RP1: variants seen among roughly 807,000 people sequenced by gnomAD.
The protein encoded by RP1 is RP1 axonemal microtubule associated.
RP1 carries 16 observed loss-of-function variants against 14.8 expected under a neutral mutation model. That is an observed-to-expected ratio of 1.08 (90% CI 0.73 to 1.65). RP1 has a LOEUF of 1.65. RP1 is among the 40% of genes most tolerant of loss of function. The probability of loss-of-function intolerance (pLI) is 0.00; values close to 1 mark genes in which losing one functional copy is unlikely to be tolerated. For missense variants in RP1, 2,631 were observed against 2,535.0 expected (o/e 1.04, Z -0.81); for synonymous variants, 876 against 883.6 (o/e 0.99, Z 0.15).
chr8:54,565,871 G>A (rs1804393669), intron 1 of RP1, among the ~76,000 whole-genome samples: 1 of 152,170 alleles, frequency 6.6e-6, no homozygotes, highest in Non-Finnish European at 1.5e-5. Context: ...AGATGAAGGT[G>A]TCAGCAGGGT....
chr8:54,837,403 T>C (rs1416118660), intron 24 of RP1: 4 of 820,808 alleles, frequency 4.9e-6, no homozygotes, highest in Middle Eastern at 4.1e-4. Flanking sequence ...AATTTGGAAA[T>C]TGGAGATGTA....
exon 23 of RP1, chr8:54,769,919 T>C: frequency 1.5e-6 from 1 of 655,838 alleles, no homozygotes. Flanking sequence ...TTATCTTTTA[T>C]TATTGGATTT....
intron 12 of RP1, among the ~76,000 whole-genome samples, chr8:54,694,280 C>CT (rs1563349877): frequency 6.6e-6 from 1 of 152,142 alleles, no homozygotes; most frequent in African/African-American, 2.4e-5. Context: ...CTAAAATTCT[C>CT]TTTTTTTGTT....
At chr8:54,851,881 T>C (rs1812067820) in intron 25 of RP1, among the ~76,000 whole-genome samples, 1 of 152,214 alleles carries the variant, frequency 6.6e-6, no homozygotes, top group Non-Finnish European at 1.5e-5. Context: ...TTGCACAAAG[T>C]ATGATTTATA....
intron 24 of RP1, among the ~76,000 whole-genome samples, chr8:54,793,914 G>T (rs1291947931): frequency 1.3e-5 from 2 of 151,706 alleles, no homozygotes; most frequent in African/African-American, 4.8e-5. Flanking sequence ...CTTACATATA[G>T]AAAATTCTAA....
intron 6 of RP1, among the ~76,000 whole-genome samples, chr8:54,659,310 C>G (rs138998147): frequency 6.6e-6 from 1 of 152,238 alleles, no homozygotes; most frequent in East Asian, 1.9e-4. Context: ...ATTTGATATC[C>G]TGAAGGTTTT....
chr8:54,680,867 A>C (rs1476853206), intron 12 of RP1, among the ~76,000 whole-genome samples: 1 of 151,900 alleles, frequency 6.6e-6, no homozygotes, highest in Non-Finnish European at 1.5e-5. Context: ...CTGAGGCAGG[A>C]GAATGGTGTG....
intron 19 of RP1, among the ~76,000 whole-genome samples, chr8:54,744,012 A>G (rs535320316): frequency 1.3e-5 from 2 of 152,214 alleles, no homozygotes; most frequent in Non-Finnish European, 2.9e-5. Context: ...GCAAATAAAT[A>G]TAGTAAAGGT....
intron 22 of RP1, among the ~76,000 whole-genome samples, chr8:54,769,408 G>A (rs1809845722): frequency 6.6e-6 from 1 of 152,128 alleles, no homozygotes; most frequent in Non-Finnish European, 1.5e-5. Flanking sequence ...TATCCAGCTT[G>A]GTACTGGGAG....
chr8:54,848,345 A>G (rs186947091), intron 25 of RP1, among the ~76,000 whole-genome samples: 1 of 152,300 alleles, frequency 6.6e-6, no homozygotes, highest in East Asian at 1.9e-4. Context: ...CTGGGGCCTG[A>G]AGACAAGGTC....
At chr8:54,825,873 C>T (rs1035348921) in intron 24 of RP1, among the ~76,000 whole-genome samples, 26 of 151,404 alleles carry the variant, frequency 1.7e-4, no homozygotes, top group African/African-American at 6.3e-4. Context: ...AGCTTGAGAC[C>T]AGCCTGGGCA....
At chr8:54,846,994 G>C (rs1035167418) in intron 25 of RP1, among the ~76,000 whole-genome samples, 4 of 152,176 alleles carry the variant, frequency 2.6e-5, no homozygotes, top group African/African-American at 9.7e-5. Flanking sequence ...AGGGATGAGA[G>C]CTGATGAGGG....
intron 24 of RP1, among the ~76,000 whole-genome samples, chr8:54,785,034 T>TA (rs942683849): frequency 6.6e-6 from 1 of 151,980 alleles, no homozygotes; most frequent in Non-Finnish European, 1.5e-5. Context: ...CAAATCAGGG[T>TA]AAAAAAACAT....
intron 1 of RP1, among the ~76,000 whole-genome samples, chr8:54,562,917 C>G (rs1213820152): frequency 1.3e-5 from 2 of 152,182 alleles, no homozygotes; most frequent in African/African-American, 4.8e-5. Flanking sequence ...TTTCTACAGG[C>G]TTTAGCCTGA....
intron 8 of RP1, among the ~76,000 whole-genome samples, chr8:54,675,869 A>T (rs892394366): frequency 4.6e-5 from 7 of 152,196 alleles, no homozygotes; most frequent in African/African-American, 1.4e-4. Context: ...AAAATACCTT[A>T]GACTGGGCAA....
At chr8:54,829,582 T>A (rs957062361) in intron 24 of RP1, among the ~76,000 whole-genome samples, 2 of 152,188 alleles carry the variant, frequency 1.3e-5, no homozygotes, top group African/African-American at 2.4e-5. Context: ...TAATCAGGGT[T>A]CTAGATGAAT....
At chr8:54,679,861 C>T (rs534883708) in exon 12 of RP1, 2 of 1,536,038 alleles carry the variant, frequency 1.3e-6, no homozygotes, top group African/African-American at 2.7e-5. Flanking sequence ...CTATAACAAG[C>T]TGACTGGAGG....
intron 23 of RP1, chr8:54,783,411 TA>T: frequency 2.3e-6 from 1 of 443,010 alleles, no homozygotes; most frequent in Non-Finnish European, 3.7e-6. Context: ...AAATCCATGA[TA>T]AGCAATTATT....
Position 54,630,544 on chromosome 8 carries a change from A to G in RP1, c.*191A>G. ...TCTGTTTTTTGTTTTTCCAACAATT[A>G]CAGACTCAGGTTCTCTTATTTTGGA... On this transcript the variant is annotated 3_prime_UTR_variant, in exon 4 of 4. Coordinates refer to ENST00000220676, the MANE Select transcript of RP1 (RefSeq NM_006269.2). 2.2e-6 allele frequency: 3 copies of G among 1,388,158 alleles called. No individual in the cohort carries two copies. Among genetic ancestry groups the G allele is most frequent in the South Asian group, 3.3e-5 (2 of 61,362 alleles). 86.0% of individuals were successfully genotyped at this position (1,388,158 alleles called of 1,614,324 possible).
Sources: gnomAD v4.1 joint callset for allele counts (sites outside exome capture counted in the v4.1 genomes callset) on GRCh38, gnomAD v4.1.1 for gene constraint, MANE v1.5 for transcripts, NCBI Gene and HGNC (gene_info 2026-07-23, HGNC 2026-07-21) for gene names.